Variants in IGLL5 observed in about 807,000 individuals in gnomAD.
IGLL5 encodes immunoglobulin lambda like polypeptide 5.
Under a neutral mutation model 20.9 loss-of-function variants are expected in IGLL5, and 30 were observed. That is an observed-to-expected ratio of 1.44 (90% CI 1.07 to 1.95). The LOEUF is 1.95. Among genes scored for constraint, IGLL5 ranks in the 30% most tolerant of loss-of-function variants. IGLL5 has a pLI of 0.00. For missense variants in IGLL5, 475 were observed against 270.7 expected, an observed-to-expected ratio of 1.75 and a Z score of -5.30; for synonymous variants, 203 against 117.3, an observed-to-expected ratio of 1.73 and a Z score of -4.72.
At chr22:22,894,067 T>A in intron 2 of IGLL5, among the ~76,000 whole-genome samples, 2 of 151,420 alleles carry the variant, frequency 1.3e-5, no homozygotes, top group Admixed American at 6.6e-5. Flanking sequence ...TCAGGGCTCC[T>A]CCTCTCTTCC....
intron 2 of IGLL5, among the ~76,000 whole-genome samples, chr22:22,894,633 T>G (rs1008434108): frequency 6.6e-6 from 1 of 150,978 alleles, no homozygotes; most frequent in Admixed American, 6.6e-5. Flanking sequence ...GAGAACTCCA[T>G]GGCTACCAGG....
intron 1 of IGLL5, among the ~76,000 whole-genome samples, chr22:22,888,669 A>T (rs2067629853): frequency 6.6e-6 from 1 of 151,102 alleles, no homozygotes; most frequent in African/African-American, 2.4e-5. Flanking sequence ...CTGCCCAGTG[A>T]GGGCAGGGGC....
rs772546797 is a variant in IGLL5 at position 22,894,201 on chromosome 22, T to G, written c.325+383T>G. On this transcript the variant is annotated intron_variant, in intron 2 of 2. Coordinates refer to ENST00000526893, the MANE Select transcript of IGLL5 (RefSeq NM_001178126.2). ...AGGCTGCTGGGGTGGGCCTGGGAGC[T>G]GCTGAGTCTCATAGTCTAGGGGAGC... 2.0e-5 allele frequency among the ~76,000 whole-genome samples: 3 copies of G among 151,304 alleles called. 1 individual carries two copies. Among genetic ancestry groups the G allele is most frequent in the Middle Eastern group, 3.8e-3 (1 of 266 alleles).
intron 2 of IGLL5, among the ~76,000 whole-genome samples, chr22:22,894,263 G>A (rs1569087616): frequency 1.3e-5 from 2 of 150,816 alleles, no homozygotes; most frequent in Admixed American, 6.6e-5. Context: ...GCTGAGGACT[G>A]GATGCCAATC....
At chr22:22,889,116 T>C (rs2067687784) in intron 1 of IGLL5, among the ~76,000 whole-genome samples, 10 of 150,824 alleles carry the variant, frequency 6.6e-5, no homozygotes, top group African/African-American at 1.7e-4. Flanking sequence ...TTTGGAAAAA[T>C]CAGCACCGGA....
At chr22:22,889,181 A>T in intron 1 of IGLL5, among the ~76,000 whole-genome samples, 1 of 151,168 alleles carries the variant, frequency 6.6e-6, no homozygotes, top group African/African-American at 2.4e-5. Context: ...GTGATGGCCA[A>T]GTCCAGGGTA....
chr22:22,894,177 G>C (rs2067993319), intron 2 of IGLL5, among the ~76,000 whole-genome samples: 1 of 151,544 alleles, frequency 6.6e-6, no homozygotes, highest in African/African-American at 2.4e-5. Context: ...CAAGGACAGA[G>C]GCTGCTGGGG....
At chr22:22,888,325 G>T (rs2067582370) in intron 1 of IGLL5, 66 bp downstream of exon 1, 1 of 1,471,362 alleles carries the variant, frequency 6.8e-7, no homozygotes, top group Non-Finnish European at 9.2e-7. Flanking sequence ...GGTGACCAAG[G>T]GGAGACAAGC....
intron 1 of IGLL5, among the ~76,000 whole-genome samples, chr22:22,889,396 T>TAC: frequency 6.6e-6 from 1 of 151,202 alleles, no homozygotes; most frequent in South Asian, 2.1e-4. Flanking sequence ...AAAAACAAAG[T>TAC]GTGTTTATCT....
intron 1 of IGLL5, among the ~76,000 whole-genome samples, chr22:22,888,662 C>T (rs140112877): frequency 1.3e-4 from 19 of 151,194 alleles, no homozygotes; most frequent in Middle Eastern, 3.8e-3. Flanking sequence ...GTGCCTCCTG[C>T]CCAGTGAGGG....
intron 1 of IGLL5, among the ~76,000 whole-genome samples, chr22:22,888,704 GCTTGGTTTGGTCTCCCC>G (rs2067634900): frequency 6.6e-6 from 1 of 151,252 alleles, no homozygotes; most frequent in African/African-American, 2.4e-5. Flanking sequence ...GGCAGCAAGG[GCTTGGTTTGGTCTCCCC>G]CAAGGCTGTC....
intron 2 of IGLL5, among the ~76,000 whole-genome samples, 196 bp downstream of exon 2, chr22:22,894,014 G>C (rs1431335735): frequency 1.3e-5 from 2 of 149,022 alleles, no homozygotes; most frequent in East Asian, 2.0e-4. Context: ...GGGAGCAGCC[G>C]GATGCAGCCT....
In IGLL5 at chr22:22,894,796, G is replaced by A. The variant is rs1230080182; in HGVS notation, c.326-579G>A. Reference sequence around the variant, plus strand: ...CATCTCAGAGCCTCAGAGGAGCCCTGAGGCTTGTCTAGGTGGAGCCCACTC... The same window carrying A: ...CATCTCAGAGCCTCAGAGGAGCCCTAAGGCTTGTCTAGGTGGAGCCCACTC... On this transcript the variant is annotated intron_variant, in intron 2 of 2. Coordinates refer to ENST00000526893, the MANE Select transcript of IGLL5 (RefSeq NM_001178126.2). Among the ~76,000 whole-genome samples, 8 of 151,436 alleles carry A rather than the reference G, an allele frequency of 5.3e-5. No individual in the cohort carries two copies. The East Asian group carries it at 1.0e-3, about 19-fold the overall frequency.
At position 22,888,187 on chromosome 22, in the gene IGLL5, C is replaced by G; in HGVS notation, c.134C>G (p.Pro45Arg). 3 of 1,548,878 alleles carry G rather than the reference C, an allele frequency of 1.9e-6. No individual in the cohort carries two copies. The highest frequency in any genetic ancestry group is 2.6e-6 in the Non-Finnish European group (3 of 1,146,570). The stretch of plus-strand genomic sequence containing the variant: ...GGCCTGCTGCGCCCAATGGTTGCAC[C>G]GCAAAGCGGGGACCCAGACCCTGGA... Reference protein sequence around the residue: ...AHGLLRPMVAPQSGDPDPGAS... With the variant: ...AHGLLRPMVARQSGDPDPGAS... The change falls in exon 1 of 3, where the codon CCG (proline) becomes CGG (arginine). Residue 45 changes from proline to arginine, a missense_variant. Transcript: ENST00000526893.
At chr22:22,893,975 G>GAGT in intron 2 of IGLL5, among the ~76,000 whole-genome samples, 157 bp downstream of exon 2, 1 of 151,428 alleles carries the variant, frequency 6.6e-6, no homozygotes, top group Middle Eastern at 3.7e-3. Context: ...ATTAGTCTCC[G>GAGT]GGTAACCGGC....
chr22:22,894,135 C>G (rs1285552047), intron 2 of IGLL5, among the ~76,000 whole-genome samples: 1 of 151,514 alleles, frequency 6.6e-6, no homozygotes, highest in Middle Eastern at 3.7e-3. Flanking sequence ...CCTGCAGTGT[C>G]CTTAGGGACA....
chr22:22,888,080 T>G lies in IGLL5; in HGVS notation c.27T>G (p.Gly9=), dbSNP rs557067801. The change falls in exon 1 of 3, where the codon GGT becomes GGG. Residue 9 remains glycine (G), a synonymous_variant. Transcript: ENST00000526893. MRPKTGQV[G]CETPEELGPG... Reference sequence around the variant, plus strand: ...TGAGACCCAAGACAGGCCAAGTGGGTTGTGAGACCCCTGAGGAGCTGGGCC... The same window carrying G: ...TGAGACCCAAGACAGGCCAAGTGGGGTGTGAGACCCCTGAGGAGCTGGGCC... 1.3e-6 allele frequency: 2 copies of G among 1,548,950 alleles called. No individual in the cohort carries two copies. The highest frequency in any genetic ancestry group is 1.7e-6 in the Non-Finnish European group (2 of 1,146,466).
In IGLL5 at chr22:22,888,460, T is replaced by C. The variant is rs113528445; in HGVS notation, c.206+201T>C. ...TACTGTTTTTAATATCATATTACGA[T>C]ATTATTTTTCTTGATTTCTGAGTTT... is the stretch of plus-strand genomic sequence containing the variant. On this transcript the variant is annotated intron_variant, in intron 1 of 2. Coordinates refer to ENST00000526893, the MANE Select transcript of IGLL5 (RefSeq NM_001178126.2). 1.1e-4 allele frequency among the ~76,000 whole-genome samples: 16 copies of C among 151,276 alleles called. 1 individual carries two copies. The highest frequency in any genetic ancestry group is 3.7e-3 in the Middle Eastern group (1 of 268).
chr22:22,888,444 T>A (rs1601600849), intron 1 of IGLL5, among the ~76,000 whole-genome samples, 185 bp downstream of exon 1: 4 of 151,466 alleles, frequency 2.6e-5, no homozygotes, highest in Admixed American at 1.3e-4. Flanking sequence ...TTACTGTTTT[T>A]AATATCATAT....
Sources: allele counts gnomAD v4.1 joint callset (sites outside exome capture counted in the v4.1 genomes callset), GRCh38; gene constraint gnomAD v4.1.1; transcripts MANE v1.5; gene names NCBI Gene and HGNC (gene_info 2026-07-23, HGNC 2026-07-21).